Variants in FGD3 observed in about 807,000 individuals in gnomAD.
The protein encoded by FGD3 is FYVE, RhoGEF and PH domain-containing protein 3.
A neutral mutation model predicts 71.8 loss-of-function variants in FGD3; 45 were observed. The observed-to-expected ratio is 0.63, with a 90% CI of 0.49 to 0.80. The LOEUF is 0.80. Ranked by LOEUF, FGD3 falls within the 30% of genes least tolerant of loss-of-function variation. The probability of loss-of-function intolerance (pLI) is 0.00; values close to 1 mark genes in which losing one functional copy is unlikely to be tolerated. For synonymous variants in FGD3, 378 were observed against 392.8 expected (o/e 0.96, Z 0.44); for missense variants, 844 against 951.5 (o/e 0.89, Z 1.49).
chr9:92,981,615 T>C (rs1860003463), intron 3 of FGD3, among the ~76,000 whole-genome samples: 1 of 152,142 alleles, frequency 6.6e-6, no homozygotes, highest in African/African-American at 2.4e-5. Context: ...GTTTATTTTA[T>C]TGGTTTATTG....
intron 3 of FGD3, among the ~76,000 whole-genome samples, chr9:92,994,036 G>A (rs1439708554): frequency 6.6e-6 from 1 of 152,140 alleles, no homozygotes; most frequent in Non-Finnish European, 1.5e-5. Flanking sequence ...TTGAGGAATC[G>A]CCACACTGTC....
At chr9:93,011,081 T>C in intron 7 of FGD3, 133 bp from the exon 8 acceptor site, 2 of 886,728 alleles carry the variant, frequency 2.3e-6, no homozygotes, top group Non-Finnish European at 3.7e-6. Context: ...TCCTCTAGAG[T>C]AGCCCAGGCA....
intron 3 of FGD3, 93 bp from the exon 4 acceptor site, chr9:93,002,832 C>T: frequency 7.8e-7 from 1 of 1,277,704 alleles, no homozygotes; most frequent in East Asian, 2.3e-5. Context: ...ACCCCTGTGG[C>T]CCCTGGTTCT....
At chr9:92,986,207 A>T (rs1014755266) in intron 3 of FGD3, among the ~76,000 whole-genome samples, 3 of 152,080 alleles carry the variant, frequency 2.0e-5, no homozygotes, top group Non-Finnish European at 4.4e-5. Flanking sequence ...GTGCCTATGG[A>T]CTTCAGCCAG....
intron 10 of FGD3, 26 bp from the exon 11 acceptor site, chr9:93,018,110 T>C (rs893029387): frequency 1.2e-6 from 2 of 1,611,014 alleles, no homozygotes; most frequent in Non-Finnish European, 1.7e-6. Context: ...TTGGGTTTGC[T>C]TTGTTCTTTG....
At chr9:92,979,499 C>G (rs1859903149) in intron 3 of FGD3, among the ~76,000 whole-genome samples, 1 of 152,090 alleles carries the variant, frequency 6.6e-6, no homozygotes, top group Non-Finnish European at 1.5e-5. Context: ...TGTTGAATTT[C>G]ATTTCCTAGT....
In FGD3 at chr9:93,020,321, T is replaced by C. The variant is rs1430215119; in HGVS notation, c.1391T>C (p.Ile464Thr). Residue 464 changes from isoleucine to threonine, a missense_variant, in exon 13 of 18, where the codon ATC becomes ACC. Physicochemically the swap from Ile to Thr is moderately conservative, Grantham distance 89. Coordinates refer to ENST00000375482, the MANE Select transcript of FGD3 (RefSeq NM_001083536.2). ...CTGTTGTGTTGCTGTGTCCAGATCATCCAGGCCACCATCGAGAAGCACAAA... is the reference window on the plus strand; with the variant it reads ...CTGTTGTGTTGCTGTGTCCAGATCACCCAGGCCACCATCGAGAAGCACAAA... ...EEEKKEWIQI[I>T]QATIEKHKQN... The C allele has an allele frequency of 6.2e-7, 1 of 1,611,306 alleles. No homozygotes were observed. Among genetic ancestry groups the C allele is most frequent in the South Asian group, 1.1e-5 (1 of 90,994 alleles).
At chr9:92,986,483 T>C (rs1045819194) in intron 3 of FGD3, among the ~76,000 whole-genome samples, 17 of 152,308 alleles carry the variant, frequency 1.1e-4, no homozygotes, top group Admixed American at 1.3e-4. Flanking sequence ...GGAATATTCA[T>C]GGAAAGCCTT....
At chr9:93,014,624 A>G (rs1234670271) in intron 9 of FGD3, among the ~76,000 whole-genome samples, 1 of 151,976 alleles carries the variant, frequency 6.6e-6, no homozygotes, top group Non-Finnish European at 1.5e-5. Context: ...CAAGTTACAG[A>G]ACAAGTTTTT....
intron 2 of FGD3, 121 bp downstream of exon 2, chr9:92,975,526 T>C (rs1273711224): frequency 6.6e-6 from 1 of 152,226 alleles, no homozygotes; most frequent in Admixed American, 6.5e-5. Flanking sequence ...CCTTTGCTCC[T>C]CCTCAGAGGC....
chr9:92,954,150 G>T (rs1859007756), intron 1 of FGD3, among the ~76,000 whole-genome samples: 1 of 152,140 alleles, frequency 6.6e-6, no homozygotes, highest in South Asian at 2.1e-4. Flanking sequence ...CAGCCTCTCT[G>T]CCAGGAGCTT....
chr9:92,998,494 C>T (rs1005743102), intron 3 of FGD3, among the ~76,000 whole-genome samples: 40 of 152,222 alleles, frequency 2.6e-4, no homozygotes, highest in African/African-American at 9.2e-4. Context: ...AGTCATTCTC[C>T]TTCCAGCTTT....
intron 3 of FGD3, among the ~76,000 whole-genome samples, chr9:92,994,613 C>T (rs990806723): frequency 2.6e-5 from 4 of 152,238 alleles, no homozygotes; most frequent in South Asian, 2.1e-4. Context: ...TTAGGTCTAA[C>T]GTTTAAGTCT....
chr9:92,980,150 A>G (rs1227916373), intron 3 of FGD3, among the ~76,000 whole-genome samples: 1 of 151,990 alleles, frequency 6.6e-6, no homozygotes, highest in Non-Finnish European at 1.5e-5. Context: ...CCTCCCGAGT[A>G]GCTGAGACTA....
chr9:92,989,614 G>A (rs1022607570), intron 3 of FGD3, among the ~76,000 whole-genome samples: 4 of 152,164 alleles, frequency 2.6e-5, no homozygotes, highest in Admixed American at 1.3e-4. Flanking sequence ...ATTTAAAGGG[G>A]AAAAGTGGGC....
chr9:93,029,901 A>G lies in FGD3; in HGVS notation c.1585A>G (p.Thr529Ala). ...GLEPRKLSSK[T>A]RRDKEKQSCK... ...CGAGCCCAGAAAACTATCCTCTAAGACCAGACGTGACAAGGAGAAGCAGAG... is the reference window on the plus strand; with the variant it reads ...CGAGCCCAGAAAACTATCCTCTAAGGCCAGACGTGACAAGGAGAAGCAGAG... The change falls in exon 15 of 18, where the codon ACC becomes GCC. Residue 529 changes from threonine (T) to alanine (A), a missense_variant. By Grantham distance (58) the Thr-to-Ala change is moderately conservative. Transcript: ENST00000375482. 2 of 1,613,414 alleles carry G rather than the reference A, an allele frequency of 1.2e-6. No individual in the cohort carries two copies. Among genetic ancestry groups the G allele is most frequent in the Non-Finnish European group, 1.7e-6 (2 of 1,179,614 alleles).
chr9:92,966,355 G>A (rs942013804), intron 1 of FGD3, among the ~76,000 whole-genome samples: 2 of 152,226 alleles, frequency 1.3e-5, no homozygotes, highest in Non-Finnish European at 2.9e-5. Flanking sequence ...CCACACGTGA[G>A]CTTCCCCACT....
intron 3 of FGD3, among the ~76,000 whole-genome samples, chr9:92,978,857 C>T (rs1859884464): frequency 6.9e-6 from 1 of 145,870 alleles, no homozygotes; most frequent in African/African-American, 2.5e-5. Flanking sequence ...TCATCTCAAA[C>T]TTCTGGCCTC....
At position 93,010,361 on chromosome 9, in the gene FGD3, C is replaced by T. The variant is rs1276065003; in HGVS notation, c.953C>T (p.Ala318Val). ...KDYLKRLPQD[A>V]PDRKDAERSL... ...TATCTGAAGAGGCTCCCGCAGGACGCCCCAGACCGGAAGGATGCGGAGAGT... is the reference window on the plus strand; with the variant it reads ...TATCTGAAGAGGCTCCCGCAGGACGTCCCAGACCGGAAGGATGCGGAGAGT... Residue 318 changes from alanine to valine, a missense_variant, in exon 7 of 18, where the codon GCC becomes GTC. Coordinates refer to ENST00000375482, the MANE Select transcript of FGD3 (RefSeq NM_001083536.2). The T allele has an allele frequency of 3.7e-6, 6 of 1,612,174 alleles. No homozygotes were observed. The African/African-American group carries it at 4.0e-5, about 11-fold the overall frequency.
Sources: allele counts gnomAD v4.1 joint callset (sites outside exome capture counted in the v4.1 genomes callset), GRCh38; gene constraint gnomAD v4.1.1; transcripts MANE v1.5; gene names NCBI Gene and HGNC (gene_info 2026-07-23, HGNC 2026-07-21).